DIP2B: variants seen among roughly 807,000 people sequenced by gnomAD.
The protein encoded by DIP2B is disco-interacting protein 2 homolog B.
Under a neutral mutation model 198.0 loss-of-function variants are expected in DIP2B, and 76 were observed. The observed-to-expected ratio is 0.38, with a 90% confidence interval of 0.32 to 0.46. The LOEUF (loss-of-function observed/expected upper bound fraction) is 0.46, where lower values mean the gene tolerates loss of function less well. DIP2B is among the 20% of genes least tolerant of loss of function. The pLI, the probability that DIP2B is intolerant of heterozygous loss-of-function variation, is 0.99. For synonymous variants in DIP2B, 701 were observed against 739.1 expected (o/e 0.95, Z 0.84); for missense variants, 1,559 against 1,978.4 (o/e 0.79, Z 4.02).
At chr12:50,728,701 G>A (rs1368809744) in intron 30 of DIP2B, 23 bp downstream of exon 30, 1 of 1,612,386 alleles carries the variant, frequency 6.2e-7, no homozygotes. Context: ...AAGCCAAGGA[G>A]ACAGAATGTG....
chr12:50,505,896 A>T (rs572951502), intron 1 of DIP2B, among the ~76,000 whole-genome samples: 1 of 151,824 alleles, frequency 6.6e-6, no homozygotes, highest in Non-Finnish European at 1.5e-5. Context: ...ATTCGGGCCG[A>T]ATTTTCCGCA....
chr12:50,682,618 G>A (rs1442029923), intron 9 of DIP2B, among the ~76,000 whole-genome samples: 2 of 109,810 alleles, frequency 1.8e-5, no homozygotes, highest in African/African-American at 7.4e-5. Flanking sequence ...GACAGAGCGA[G>A]ACTCTGTCTC....
At chr12:50,641,390 G>C (rs1938254852) in intron 3 of DIP2B, among the ~76,000 whole-genome samples, 3 of 152,110 alleles carry the variant, frequency 2.0e-5, no homozygotes, top group Admixed American at 6.5e-5. Flanking sequence ...CTTAAGGAAT[G>C]TAACAGTTTA....
intron 1 of DIP2B, among the ~76,000 whole-genome samples, chr12:50,588,455 C>T (rs900661207): frequency 6.6e-6 from 1 of 152,182 alleles, no homozygotes; most frequent in Non-Finnish European, 1.5e-5. Flanking sequence ...CGGCCTGATT[C>T]ATCAGTACTT....
At chr12:50,615,468 C>CTTTG (rs1349888632) in intron 1 of DIP2B, among the ~76,000 whole-genome samples, 1 of 152,226 alleles carries the variant, frequency 6.6e-6, no homozygotes, top group Non-Finnish European at 1.5e-5. Flanking sequence ...AAGGCACTAA[C>CTTTG]TTTGTTGGCT....
chr12:50,686,024 T>A, intron 11 of DIP2B, 68 bp downstream of exon 11: 1 of 1,492,124 alleles, frequency 6.7e-7, no homozygotes, highest in Non-Finnish European at 9.2e-7. Context: ...GCTTTTTAAT[T>A]TAGTAATAGC....
chr12:50,596,526 G>T (rs1958880015), intron 1 of DIP2B, among the ~76,000 whole-genome samples: 1 of 152,202 alleles, frequency 6.6e-6, no homozygotes, highest in Non-Finnish European at 1.5e-5. Context: ...GGTTGACCTG[G>T]TTTGGATGAT....
intron 6 of DIP2B, among the ~76,000 whole-genome samples, 166 bp downstream of exon 6, chr12:50,674,795 G>A (rs781516197): frequency 4.6e-5 from 7 of 152,222 alleles, no homozygotes; most frequent in Non-Finnish European, 1.0e-4. Context: ...CACAGTGACA[G>A]TATTGCCACT....
chr12:50,737,539 T>C (rs1463152723), intron 35 of DIP2B, among the ~76,000 whole-genome samples: 1 of 151,788 alleles, frequency 6.6e-6, no homozygotes. Context: ...TATAAATACA[T>C]ATTATTTGTA....
intron 2 of DIP2B, among the ~76,000 whole-genome samples, chr12:50,628,097 C>T (rs938833839): frequency 1.3e-5 from 2 of 152,120 alleles, no homozygotes; most frequent in Non-Finnish European, 2.9e-5. Flanking sequence ...ATGGGCCGAG[C>T]GTGGAGGCTC....
chr12:50,673,019 C>T (rs2684907), intron 5 of DIP2B, among the ~76,000 whole-genome samples: 145,704 of 152,248 alleles, frequency 0.96, 70,059 homozygotes, highest in East Asian at 1. Flanking sequence ...ATTATAAAAA[C>T]TATTGGATTG....
chr12:50,558,731 TG>T (rs1958492430), intron 1 of DIP2B, among the ~76,000 whole-genome samples: 1 of 152,118 alleles, frequency 6.6e-6, no homozygotes. Flanking sequence ...AACACAATTT[TG>T]GAAACTGGCA....
At chr12:50,710,181 G>T (rs565501662) in intron 22 of DIP2B, among the ~76,000 whole-genome samples, 59 of 152,212 alleles carry the variant, frequency 3.9e-4, no homozygotes, top group African/African-American at 1.3e-3. Flanking sequence ...TTCAGGGCTC[G>T]ATCCCCAGAG....
intron 1 of DIP2B, among the ~76,000 whole-genome samples, chr12:50,616,708 G>A (rs180868815): frequency 6.6e-6 from 1 of 152,172 alleles, no homozygotes; most frequent in East Asian, 1.9e-4. Context: ...GCTTCATTTT[G>A]TATGTTTGTG....
chr12:50,742,907 A>AG (rs1397829358), intron 37 of DIP2B, among the ~76,000 whole-genome samples: 1 of 152,118 alleles, frequency 6.6e-6, no homozygotes, highest in African/African-American at 2.4e-5. Flanking sequence ...AAAAAAAAAA[A>AG]GATGCTCTTG....
At chr12:50,505,505 C>A (rs1376103039) in intron 1 of DIP2B, among the ~76,000 whole-genome samples, 1 of 152,090 alleles carries the variant, frequency 6.6e-6, no homozygotes, top group Non-Finnish European at 1.5e-5. Flanking sequence ...GCGCTTCCTG[C>A]CCCCCAAAAC....
chr12:50,685,901 A>G lies in DIP2B; in HGVS notation c.1386A>G (p.Glu462=). The G allele has an allele frequency of 1.2e-6, 2 of 1,614,032 alleles. No individual in the cohort carries two copies. Among genetic ancestry groups the G allele is most frequent in the Non-Finnish European group, 8.5e-7 (1 of 1,179,912 alleles). ...SCGIALALTS[E]VCLKGLPKTQ... ...GTATTGCCTTAGCTCTTACCAGTGA[A>G]GTTTGTCTAAAAGGACTGCCAAAAA... The change falls in exon 11 of 38, where the codon GAA becomes GAG. Residue 462 remains glutamate, a synonymous_variant. Coordinates refer to ENST00000301180, the MANE Select transcript of DIP2B (RefSeq NM_173602.3).
At chr12:50,595,186 C>T (rs1040090657) in intron 1 of DIP2B, among the ~76,000 whole-genome samples, 5 of 152,326 alleles carry the variant, frequency 3.3e-5, no homozygotes, top group African/African-American at 9.6e-5. Flanking sequence ...CATGCTGACT[C>T]TGGTGATGCG....
chr12:50,725,321 T>G (rs1939912162), intron 28 of DIP2B, among the ~76,000 whole-genome samples: 1 of 152,200 alleles, frequency 6.6e-6, no homozygotes, highest in Non-Finnish European at 1.5e-5. Context: ...GAAATTACCC[T>G]TTCCTAAGCT....
Sources: gnomAD v4.1 joint callset for allele counts (sites outside exome capture counted in the v4.1 genomes callset) on GRCh38, gnomAD v4.1.1 for gene constraint, MANE v1.5 for transcripts, NCBI Gene and HGNC (gene_info 2026-07-23, HGNC 2026-07-21) for gene names.